ITCH: variants seen among roughly 807,000 people sequenced by gnomAD.
The protein encoded by ITCH is itchy E3 ubiquitin protein ligase, also known as E3 ubiquitin-protein ligase Itchy homolog.
ITCH carries 28 observed loss-of-function variants against 126.8 expected under a neutral mutation model. The ratio of observed to expected loss-of-function variants is 0.22; its 90% CI spans 0.16 to 0.30. ITCH has a LOEUF of 0.30. Ranked by LOEUF, ITCH falls within the 10% of genes least tolerant of loss-of-function variation. The pLI, the probability that ITCH is intolerant of heterozygous loss-of-function variation, is 1.00. For missense variants in ITCH, 631 were observed against 1,032.4 expected (o/e 0.61, Z 5.33); for synonymous variants, 342 against 340.0 (o/e 1.01, Z -0.06).
intron 7 of ITCH, among the ~76,000 whole-genome samples, chr20:34,429,489 C>G (rs1982000568): frequency 6.6e-6 from 1 of 152,190 alleles, no homozygotes; most frequent in Non-Finnish European, 1.5e-5. Flanking sequence ...TCAAGATTTG[C>G]ATTTCTAACA....
chr20:34,483,113 G>A (rs1049091834), intron 20 of ITCH, among the ~76,000 whole-genome samples: 31 of 148,790 alleles, frequency 2.1e-4, no homozygotes, highest in African/African-American at 6.2e-4. Flanking sequence ...CCCTGGGCCC[G>A]GCCCATGAAA....
intron 6 of ITCH, among the ~76,000 whole-genome samples, chr20:34,421,763 T>C (rs1568923050): frequency 6.6e-6 from 1 of 152,134 alleles, no homozygotes; most frequent in Non-Finnish European, 1.5e-5. Flanking sequence ...ATCCCAGCAC[T>C]CTGGGAAGCC....
At chr20:34,402,542 C>T (rs917597300) in intron 3 of ITCH, 12 of 735,824 alleles carry the variant, frequency 1.6e-5, no homozygotes, top group Non-Finnish European at 2.6e-5. Context: ...TCTTGCTCTG[C>T]AGTATCAAAA....
chr20:34,416,518 T>C lies in ITCH; in HGVS notation c.475+2639T>C, dbSNP rs562773033. 4.6e-5 allele frequency among the ~76,000 whole-genome samples: 7 copies of C among 152,302 alleles called. No homozygotes were observed. The East Asian group carries it at 1.2e-3, about 25-fold the overall frequency. ...ATTTTTTTAGCTTTGTTTGGACCTT[T>C]GGGGGGAAAAATACCTTATTGTACT... On this transcript the variant is annotated intron_variant, in intron 6 of 24. Coordinates refer to ENST00000374864, the MANE Select transcript of ITCH (RefSeq NM_031483.7).
At chr20:34,402,587 T>A (rs2038925470) in intron 3 of ITCH, 8 of 684,646 alleles carry the variant, frequency 1.2e-5, no homozygotes, top group Middle Eastern at 4.3e-4. Flanking sequence ...CCAGTCATAA[T>A]TGTTATTGCA....
chr20:34,406,009 C>T (rs2039046276), intron 3 of ITCH, among the ~76,000 whole-genome samples: 1 of 151,676 alleles, frequency 6.6e-6, no homozygotes, highest in African/African-American at 2.4e-5. Context: ...GTCTCAGCAT[C>T]TGGCATCTGA....
At chr20:34,490,353 T>A (rs990088439) in intron 22 of ITCH, among the ~76,000 whole-genome samples, 2 of 152,192 alleles carry the variant, frequency 1.3e-5, no homozygotes, top group Non-Finnish European at 2.9e-5. Flanking sequence ...TCAACATCAT[T>A]AGTCATTAGA....
chr20:34,481,766 A>G (rs1358284068), intron 20 of ITCH, among the ~76,000 whole-genome samples: 1 of 152,160 alleles, frequency 6.6e-6, no homozygotes, highest in Non-Finnish European at 1.5e-5. Flanking sequence ...TAATCCTAGC[A>G]CTTTGGAAGG....
intron 20 of ITCH, among the ~76,000 whole-genome samples, chr20:34,482,375 A>T (rs893826680): frequency 6.6e-6 from 1 of 152,250 alleles, no homozygotes; most frequent in African/African-American, 2.4e-5. Context: ...CTGTAAAATT[A>T]AAAGCAACTT....
intron 14 of ITCH, among the ~76,000 whole-genome samples, chr20:34,463,747 ATCT>A (rs1409154088): frequency 1.4e-5 from 2 of 146,626 alleles, no homozygotes; most frequent in Admixed American, 6.8e-5. Flanking sequence ...CTATTTGTGT[ATCT>A]TCTTTGGAAA....
intron 7 of ITCH, among the ~76,000 whole-genome samples, chr20:34,434,800 CTGAT>C (rs769258042): frequency 1.3e-5 from 2 of 152,134 alleles, no homozygotes; most frequent in Non-Finnish European, 2.9e-5. Context: ...GATGTAGAAA[CTGAT>C]TGATTTCTAA....
At chr20:34,481,938 G>A (rs1324140086) in intron 20 of ITCH, among the ~76,000 whole-genome samples, 1 of 152,200 alleles carries the variant, frequency 6.6e-6, no homozygotes, top group Non-Finnish European at 1.5e-5. Context: ...TTGAACCTGG[G>A]AGGCGGGGAT....
At chr20:34,434,839 T>C (rs899203466) in intron 7 of ITCH, among the ~76,000 whole-genome samples, 6 of 152,176 alleles carry the variant, frequency 3.9e-5, no homozygotes, top group Non-Finnish European at 8.8e-5. Flanking sequence ...CCAATTAAAG[T>C]TGTTGAATAA....
At chr20:34,430,545 C>T (rs1267901318) in intron 7 of ITCH, among the ~76,000 whole-genome samples, 1 of 152,178 alleles carries the variant, frequency 6.6e-6, no homozygotes, top group Non-Finnish European at 1.5e-5. Flanking sequence ...GCGATCTCGG[C>T]TCACTGCAAC....
chr20:34,449,530 T>C (rs748422217), intron 12 of ITCH, 50 bp downstream of exon 12: 2 of 1,234,792 alleles, frequency 1.6e-6, no homozygotes, highest in Non-Finnish European at 2.4e-6. Context: ...ATTTTTGTTC[T>C]CTTCCAATTG....
At chr20:34,497,323 A>G (rs1361226862) in intron 23 of ITCH, among the ~76,000 whole-genome samples, 1 of 151,684 alleles carries the variant, frequency 6.6e-6, no homozygotes. Context: ...CTTTATTGAA[A>G]ATCAGTTGGA....
intron 11 of ITCH, among the ~76,000 whole-genome samples, chr20:34,448,189 T>G (rs565296022): frequency 1.3e-4 from 20 of 152,178 alleles, no homozygotes; most frequent in Non-Finnish European, 2.4e-4. Context: ...GTCAGGAGTT[T>G]GAGGCCAGCC....
intron 1 of ITCH, among the ~76,000 whole-genome samples, chr20:34,367,607 T>C (rs1195468840): frequency 6.6e-6 from 1 of 152,228 alleles, no homozygotes; most frequent in African/African-American, 2.4e-5. Flanking sequence ...AATTGTATTA[T>C]GGTTGATCAA....
Position 34,470,421 on chromosome 20 carries a change from A to AATATATAT in ITCH, c.1497+312_1497+319dup, listed in dbSNP as rs11474698. Reference sequence around the variant, plus strand: ...AACATATTGAGGCCTTACCTCTGTAAATATATATATATATATATTTCTTTT... The same window carrying AATATATAT: ...AACATATTGAGGCCTTACCTCTGTAAATATATATATATATATATATATATATTTCTTTT... On this transcript the variant is annotated intron_variant, in intron 15 of 24. Transcript: ENST00000374864. Among the ~76,000 whole-genome samples the AATATATAT allele has an allele frequency of 2.9e-4, 42 of 146,962 alleles. 1 individual carries two copies. Among genetic ancestry groups the AATATATAT allele is most frequent in the South Asian group, 2.2e-4 (1 of 4,636 alleles).
Sources: gnomAD v4.1 joint callset for allele counts (sites outside exome capture counted in the v4.1 genomes callset) on GRCh38, gnomAD v4.1.1 for gene constraint, MANE v1.5 for transcripts, NCBI Gene and HGNC (gene_info 2026-07-23, HGNC 2026-07-21) for gene names.